The following GPATCH2L variants were observed in gnomAD, a reference collection of about 807,000 sequenced individuals.
The protein encoded by GPATCH2L is G patch domain-containing protein 2-like.
In GPATCH2L, 31 loss-of-function variants were observed where a neutral mutation model predicts 57.4. The ratio of observed to expected loss-of-function variants is 0.54; its 90% CI spans 0.41 to 0.73. GPATCH2L has a LOEUF of 0.73. GPATCH2L is among the 30% of genes least tolerant of loss of function. The pLI is 0.00. For missense variants in GPATCH2L, 481 were observed against 599.9 expected, an observed-to-expected ratio of 0.80 and a Z score of 2.07; for synonymous variants, 199 against 210.7, an observed-to-expected ratio of 0.94 and a Z score of 0.48.
chr14:76,192,639 C>T (rs1387630184), intron 8 of GPATCH2L, among the ~76,000 whole-genome samples: 1 of 152,132 alleles, frequency 6.6e-6, no homozygotes, highest in Non-Finnish European at 1.5e-5. Context: ...CAGAGATTGT[C>T]TCTTGTTTAT....
At chr14:76,229,740 G>T (rs1250973472) in intron 1 of GPATCH2L, 3 of 152,048 alleles carry the variant, frequency 2.0e-5, no homozygotes, top group Non-Finnish European at 4.4e-5. Context: ...CTCCAAGCTC[G>T]ATGGGTAGGC....
Position 76,154,924 on chromosome 14 carries a change from A to G in GPATCH2L, c.561A>G (p.Ser187=). The change falls in exon 2 of 10, where the codon TCA becomes TCG. Residue 187 remains serine (S), a synonymous_variant. Coordinates refer to ENST00000261530, the MANE Select transcript of GPATCH2L (RefSeq NM_017926.4). The surrounding 1 kb of genome is among the most constrained non-coding windows in gnomAD (Gnocchi z 4.4). ...CATCAGGCCACGGATTGTGTGAATC[A>G]GCAGAAAATAGGACTTTCCTAAGCA... ...WTSSGHGLCE[S]AENRTFLSKT... 1 of 1,614,216 alleles carries G rather than the reference A, an allele frequency of 6.2e-7. No individual in the cohort carries two copies. The highest frequency in any genetic ancestry group is 1.1e-5 in the South Asian group (1 of 91,086).
At chr14:76,153,079 G>T (rs2038129490) in intron 1 of GPATCH2L, 2 of 284,232 alleles carry the variant, frequency 7.0e-6, no homozygotes, top group South Asian at 6.3e-5. Flanking sequence ...AGTTTTGGAA[G>T]TAGGTGTCAC....
rs2040316549 is a variant in GPATCH2L at position 76,201,800 on chromosome 14, T to C, written c.1398T>C (p.Thr466=). Residue 466 remains threonine (T), a synonymous_variant, in exon 10 of 10, where the codon ACT becomes ACC. Coordinates refer to ENST00000261530, the MANE Select transcript of GPATCH2L (RefSeq NM_017926.4). ...CAGCAGAGAAAGCCACAGACGCAAC[T>C]ACTGCTACATTTTTTAAAATGCCAC... ...TSAAEKATDA[T]TATFFKMPQE... is the part of the protein sequence containing the mutation. 6.2e-7 allele frequency: 1 copy of C among 1,614,112 alleles called. No homozygotes were observed. The highest frequency in any genetic ancestry group is 1.7e-5 in the Admixed American group (1 of 60,020).
chr14:76,198,226 T>C (rs913428161), intron 9 of GPATCH2L, among the ~76,000 whole-genome samples: 1 of 152,194 alleles, frequency 6.6e-6, no homozygotes, highest in African/African-American at 2.4e-5. Context: ...ACCCTGGATC[T>C]TAGTGAGCAA....
Position 76,208,994 on chromosome 14 carries a change from C to G in GPATCH2L, c.*7143C>G, listed in dbSNP as rs2040410753. 2 of 152,210 alleles carry G rather than the reference C, an allele frequency of 1.3e-5. No individual in the cohort carries two copies. Among genetic ancestry groups the G allele is most frequent in the Admixed American group, 1.3e-4 (2 of 15,288 alleles). The allele number at this position is 152,210 out of a possible 1,614,324, so 9.4% of individuals were successfully genotyped here. A position where few individuals can be genotyped will look rare whatever the true frequency, so the allele number is the denominator to read the frequency against. On this transcript the variant is annotated 3_prime_UTR_variant, in exon 10 of 10. Coordinates refer to ENST00000261530, the MANE Select transcript of GPATCH2L (RefSeq NM_017926.4). ...GTAGCTGAGGCTGAGAACCACCACT[C>G]TAAAACCTGGCTGCTACCCTTGCTA...
At chr14:76,216,657 A>T (rs1337248116), downstream of GPATCH2L, among the ~76,000 whole-genome samples, 1 of 152,156 alleles carries the variant, frequency 6.6e-6, no homozygotes, top group Admixed American at 6.5e-5. Flanking sequence ...CAATGCCATC[A>T]GTTTTTTTTC....
At chr14:76,181,440 G>T (rs1162345822) in intron 8 of GPATCH2L, among the ~76,000 whole-genome samples, 1 of 152,156 alleles carries the variant, frequency 6.6e-6, no homozygotes, top group Non-Finnish European at 1.5e-5. Context: ...CTCGTTATCT[G>T]TTTGTTTCCT....
chr14:76,233,882 T>A (rs1011270117), intron 2 of GPATCH2L, among the ~76,000 whole-genome samples: 2 of 152,074 alleles, frequency 1.3e-5, no homozygotes, highest in East Asian at 1.9e-4. Flanking sequence ...GGCAGGAGGA[T>A]CACTTGAGGA....
intron 2 of GPATCH2L, among the ~76,000 whole-genome samples, chr14:76,231,101 C>T (rs72729619): frequency 7.9e-5 from 12 of 152,222 alleles, no homozygotes; most frequent in Admixed American, 1.3e-4. Context: ...ACCAAAAGTC[C>T]GCTTATTTAT....
At chr14:76,166,529 C>T in intron 2 of GPATCH2L, 134 bp from the exon 3 acceptor site, 3 of 532,602 alleles carry the variant, frequency 5.6e-6, no homozygotes, top group East Asian at 3.1e-5. Flanking sequence ...TTGTAGCTTC[C>T]TGATGAAATT....
chr14:76,228,884 C>T (rs1285536892), intron 1 of GPATCH2L, among the ~76,000 whole-genome samples: 1 of 152,192 alleles, frequency 6.6e-6, no homozygotes, highest in East Asian at 1.9e-4. Flanking sequence ...CACATCCTTC[C>T]ATTTCCCTCT....
Position 76,176,668 on chromosome 14 carries a change from A to G in GPATCH2L, c.1030A>G (p.Ile344Val), listed in dbSNP as rs781122818. ...TLGTERISHIISDPRQKEKNK... is the reference protein window; with the variant it reads ...TLGTERISHIVSDPRQKEKNK... The stretch of plus-strand genomic sequence containing the variant: ...GGGGACTGAGAGGATAAGCCATATC[A>G]TTAGTGACCCTCGGCAGAAAGAGTA... Residue 344 changes from isoleucine (I) to valine (V), a missense_variant, in exon 6 of 10, where the codon ATT becomes GTT. Physicochemically the swap from Ile to Val is conservative, Grantham distance 29. Around this residue, in one of 3 missense-constraint regions of GPATCH2L, gnomAD observed 248 missense variants for 270.5 expected, o/e 0.92. Coordinates refer to ENST00000261530, the MANE Select transcript of GPATCH2L (RefSeq NM_017926.4). 8.1e-6 allele frequency: 13 copies of G among 1,610,416 alleles called. No homozygotes were observed. Among genetic ancestry groups the G allele is most frequent in the South Asian group, 3.3e-5 (3 of 91,000 alleles).
rs1392363152 is a variant in GPATCH2L at position 76,210,412 on chromosome 14, A to T, written c.*8561A>T. The T allele has an allele frequency of 6.6e-6, 1 of 152,148 alleles. No individual in the cohort carries two copies. The highest frequency in any genetic ancestry group is 6.6e-5 in the Admixed American group (1 of 15,264). 9.4% of individuals were successfully genotyped at this position (152,148 alleles called of 1,614,324 possible). On this transcript the variant is annotated 3_prime_UTR_variant, in exon 10 of 10. Transcript: ENST00000261530. ...AACTGAACTGTTGGAGGGCATGTAC[A>T]TATGCATAAGCTGTGGGCCACTGGG...
intron 5 of GPATCH2L, chr14:76,174,383 G>C (rs1455279712): frequency 6.6e-6 from 1 of 152,216 alleles, no homozygotes; most frequent in Non-Finnish European, 1.5e-5. Context: ...CAGAGAAGAT[G>C]GTGGTGGGCA....
At chr14:76,170,442 G>A (rs1302501707) in intron 3 of GPATCH2L, among the ~76,000 whole-genome samples, 5 of 152,198 alleles carry the variant, frequency 3.3e-5, no homozygotes, top group Non-Finnish European at 7.3e-5. Flanking sequence ...ACTATAGCCA[G>A]TAGAAAGAAG....
downstream of GPATCH2L, among the ~76,000 whole-genome samples, chr14:76,216,874 C>T (rs993643328): frequency 7.2e-5 from 11 of 151,996 alleles, no homozygotes; most frequent in Non-Finnish European, 1.6e-4. Flanking sequence ...GGCCCAATTG[C>T]ATATGAAAGT....
At chr14:76,217,055 T>C (rs1335101533), downstream of GPATCH2L, among the ~76,000 whole-genome samples, 1 of 152,094 alleles carries the variant, frequency 6.6e-6, no homozygotes, top group Non-Finnish European at 1.5e-5. Context: ...TTCAAATTGA[T>C]GAGAGATTTA....
intron 3 of GPATCH2L, among the ~76,000 whole-genome samples, chr14:76,170,983 G>A (rs186506915): frequency 1.3e-5 from 2 of 152,210 alleles, no homozygotes; most frequent in East Asian, 3.9e-4. Context: ...TTTTTAGCAT[G>A]GATCCTGGTA....
Sources: allele counts gnomAD v4.1 joint callset (sites outside exome capture counted in the v4.1 genomes callset), GRCh38; gene constraint gnomAD v4.1.1; regional missense constraint gnomAD v4.1.1; non-coding constraint Gnocchi (gnomAD v3.1); transcripts MANE v1.5; gene names NCBI Gene and HGNC (gene_info 2026-07-23, HGNC 2026-07-21).